CSAD: variants seen among roughly 807,000 people sequenced by gnomAD.
The protein encoded by CSAD is P-selectin cytoplasmic tail-associated protein.
CSAD carries 47 observed loss-of-function variants against 61.5 expected under a neutral mutation model. The ratio of observed to expected loss-of-function variants is 0.76; its 90% confidence interval spans 0.60 to 0.97. The LOEUF (loss-of-function observed/expected upper bound fraction) is 0.97. CSAD is among the 50% of genes least tolerant of loss of function. The probability of loss-of-function intolerance (pLI) is 0.00; values close to 1 mark genes in which losing one functional copy is unlikely to be tolerated. For missense variants in CSAD, 611 were observed against 643.6 expected, an observed-to-expected ratio of 0.95 and a Z score of 0.55; for synonymous variants, 245 against 252.7, an observed-to-expected ratio of 0.97 and a Z score of 0.29.
upstream of CSAD, chr12:53,180,966 G>C (rs576789705): frequency 2.6e-6 from 2 of 763,702 alleles, no homozygotes; most frequent in East Asian, 1.3e-4. Context: ...GAAGGGAGGG[G>C]GATCTCCGGG....
chr12:53,167,702 G>C (rs574722346), intron 10 of CSAD, among the ~76,000 whole-genome samples: 3 of 152,102 alleles, frequency 2.0e-5, no homozygotes, highest in Non-Finnish European at 4.4e-5. Flanking sequence ...CCCACTAAGT[G>C]GTATAATCAA....
At chr12:53,179,392 T>A (rs1247842904) in intron 1 of CSAD, among the ~76,000 whole-genome samples, 1 of 152,188 alleles carries the variant, frequency 6.6e-6, no homozygotes, top group South Asian at 2.1e-4. Context: ...CCTAAAAGCA[T>A]ATATACCAAA....
At position 53,160,386 on chromosome 12, in the gene CSAD, T is replaced by G. The variant is rs144509997; in HGVS notation, c.967-67A>C. 984 of 1,488,396 alleles carry G rather than the reference T, an allele frequency of 6.6e-4. 4 individuals are homozygous for G. The African/African-American group carries it at 0.012, about 18-fold the overall frequency. 92.2% of individuals were successfully genotyped at this position (1,488,396 alleles called of 1,614,324 possible). On this transcript the variant is annotated intron_variant, in intron 13 of 16. Coordinates refer to ENST00000444623, the MANE Select transcript of CSAD (RefSeq NM_001244705.2). Reference sequence around the variant, plus strand: ...CCGAGGCTTTCCTCCAGGGCTGCACTGTGGGGGTCTTAGCTCAGGATACCC... The same window carrying G: ...CCGAGGCTTTCCTCCAGGGCTGCACGGTGGGGGTCTTAGCTCAGGATACCC...
intron 10 of CSAD, among the ~76,000 whole-genome samples, chr12:53,162,788 G>A (rs1016693611): frequency 4.0e-5 from 6 of 151,562 alleles, no homozygotes; most frequent in African/African-American, 1.5e-4. Context: ...TAGGCTGGGC[G>A]TGGTGGCTTA....
chr12:53,179,609 C>CA (rs1340025200), intron 1 of CSAD: 8 of 619,954 alleles, frequency 1.3e-5, no homozygotes, highest in African/African-American at 5.6e-5. Flanking sequence ...TCCTAAAACA[C>CA]AAAAAACGTA....
At chr12:53,176,208 G>A (rs377626659) in intron 2 of CSAD, among the ~76,000 whole-genome samples, 15 of 152,018 alleles carry the variant, frequency 9.9e-5, no homozygotes, top group African/African-American at 2.7e-4. Context: ...TCAGGAGTTC[G>A]AGACCAGCCT....
chr12:53,159,568 C>G, intron 16 of CSAD, 55 bp downstream of exon 16: 1 of 1,465,548 alleles, frequency 6.8e-7, no homozygotes, highest in Non-Finnish European at 9.4e-7. Flanking sequence ...GGGGCAGAAG[C>G]GCATCAGTTG....
chr12:53,161,474 T>C, intron 10 of CSAD, 85 bp from the exon 11 acceptor site: 4 of 1,092,858 alleles, frequency 3.7e-6, no homozygotes, highest in Non-Finnish European at 5.5e-6. Context: ...CTCTAAGCTC[T>C]TTGCATGCCT....
intron 1 of CSAD, chr12:53,180,320 G>C: frequency 4.1e-6 from 4 of 985,416 alleles, no homozygotes; most frequent in Non-Finnish European, 4.8e-6. Context: ...CTCTACTTGG[G>C]GCGCCGGCTC....
rs573413439 is a variant in CSAD, at chr12:53,176,818, G to A, written c.-50+2284C>T. ...CACAATCATGTCTTACTGCAGCTTCGAACTCTTGGGCTCAAACAATTCTCC... is the reference window on the plus strand; with the variant it reads ...CACAATCATGTCTTACTGCAGCTTCAAACTCTTGGGCTCAAACAATTCTCC... On this transcript the variant is annotated intron_variant, in intron 2 of 16. Coordinates refer to ENST00000444623, the MANE Select transcript of CSAD (RefSeq NM_001244705.2). Among the ~76,000 whole-genome samples the A allele has an allele frequency of 1.4e-4, 21 of 152,142 alleles. No individual in the cohort carries two copies. In the East Asian group the frequency reaches 2.1e-3, roughly 15 times the overall value.
At chr12:53,180,603 G>A (rs993297066) in intron 1 of CSAD, 129 bp downstream of exon 1, 2 of 1,284,342 alleles carry the variant, frequency 1.6e-6, no homozygotes, top group Non-Finnish European at 2.0e-6. Flanking sequence ...AAGCTCACCC[G>A]CTCTGAGGCT....
At chr12:53,173,645 G>C in intron 3 of CSAD, 83 bp downstream of exon 3, 3 of 1,437,140 alleles carry the variant, frequency 2.1e-6, no homozygotes, top group Non-Finnish European at 2.9e-6. Flanking sequence ...AAACCAGTGG[G>C]AACAGGTGGG....
chr12:53,173,041 C>G (rs1028942440), intron 4 of CSAD, among the ~76,000 whole-genome samples: 2 of 152,078 alleles, frequency 1.3e-5, no homozygotes, highest in Non-Finnish European at 2.9e-5. Flanking sequence ...AACCCCGTCT[C>G]TACTAAAAAT....
chr12:53,161,093 G>A lies in CSAD; in HGVS notation c.884+34C>T, dbSNP rs375172076. The A allele has an allele frequency of 3.1e-6, 5 of 1,602,980 alleles. No homozygotes were observed. The Admixed American group carries it at 6.7e-5, about 21-fold the overall frequency. ...TGATTCTCTGGACCAATGGTTTGAA[G>A]GGCGGGATTTGGGAAGAAGGGGACT... On this transcript the variant is annotated intron_variant, in intron 12 of 16. Transcript: ENST00000444623.
chr12:53,173,288 A>C, intron 4 of CSAD, 57 bp downstream of exon 4: 2 of 1,488,262 alleles, frequency 1.3e-6, no homozygotes, highest in Non-Finnish European at 1.8e-6. Context: ...GGAAAAAAGA[A>C]AAGAGAAAAG....
Position 53,180,741 on chromosome 12 carries a change from G to T in CSAD, c.-100C>A, listed in dbSNP as rs763369188. On this transcript the variant is annotated 5_prime_UTR_variant, in exon 1 of 17. Transcript: ENST00000444623. ...GTGTTTGTAAACTTGCCTCGGTCCC[G>T]GTGGGGGCAGCCGCGGCGGTGGGGT... The T allele has an allele frequency of 1.4e-5, 18 of 1,265,632 alleles. No homozygotes were observed. Among genetic ancestry groups the T allele is most frequent in the Non-Finnish European group, 1.7e-5 (17 of 977,414 alleles). 78.4% of individuals were successfully genotyped at this position (1,265,632 alleles called of 1,614,324 possible).
intron 2 of CSAD, among the ~76,000 whole-genome samples, chr12:53,174,982 C>T (rs745556135): frequency 3.9e-5 from 6 of 152,292 alleles, no homozygotes; most frequent in East Asian, 1.9e-4. Context: ...CCTCAACCCC[C>T]GCTGGCTCTC....
upstream of CSAD, chr12:53,181,026 C>T: frequency 1.2e-6 from 1 of 867,888 alleles, no homozygotes; most frequent in Non-Finnish European, 1.4e-6. Flanking sequence ...CCCGCGCGTC[C>T]CGCCGCGTCC....
In CSAD at chr12:53,158,709, C is replaced by G. The variant is rs1262855979; in HGVS notation, c.1309-25G>C. On this transcript the variant is annotated intron_variant, in intron 16 of 16. Coordinates refer to ENST00000444623, the MANE Select transcript of CSAD (RefSeq NM_001244705.2). ...CCTGTGGAAGGGTGGAGAGAGATTC[C>G]AGCTGCAGCCTGGGTCGGCTGACAG... 8 of 1,607,504 alleles carry G rather than the reference C, an allele frequency of 5.0e-6. No individual in the cohort carries two copies. In the Admixed American group the frequency reaches 5.0e-5, roughly 10 times the overall value.
Sources: gnomAD v4.1 joint callset for allele counts (sites outside exome capture counted in the v4.1 genomes callset) on GRCh38, gnomAD v4.1.1 for gene constraint, MANE v1.5 for transcripts, NCBI Gene and HGNC (gene_info 2026-07-23, HGNC 2026-07-21) for gene names.